CLNK: variants seen among roughly 807,000 people sequenced by gnomAD.
CLNK encodes the protein cytokine dependent hematopoietic cell linker, also known as cytokine-dependent hematopoietic cell linker.
In CLNK, 74 loss-of-function variants were observed where a neutral mutation model predicts 68.6. That is an observed-to-expected ratio of 1.08 (90% confidence interval 0.89 to 1.31). CLNK has a LOEUF of 1.31. Ranked by LOEUF, CLNK falls within the 50% of genes most tolerant of loss-of-function variation. CLNK has a pLI of 0.00. For missense variants in CLNK, 553 were observed against 515.3 expected, an observed-to-expected ratio of 1.07 and a Z score of -0.71; for synonymous variants, 198 against 172.2, an observed-to-expected ratio of 1.15 and a Z score of -1.17.
At chr4:10,561,847 C>G (rs989037233) in intron 7 of CLNK, among the ~76,000 whole-genome samples, 21 of 152,206 alleles carry the variant, frequency 1.4e-4, no homozygotes, top group African/African-American at 4.8e-4. Context: ...AAGACTCGGT[C>G]TCTTTCCCTA....
chr4:10,620,356 T>C (rs1375595872), intron 2 of CLNK, among the ~76,000 whole-genome samples: 1 of 152,140 alleles, frequency 6.6e-6, no homozygotes, highest in Non-Finnish European at 1.5e-5. Context: ...ACCCAGAGGA[T>C]CCATGTCAAC....
At chr4:10,698,855 AG>A in the CLNK span, among the ~76,000 whole-genome samples, 46 of 152,340 alleles carry the variant, frequency 3.0e-4, 1 homozygote, top group South Asian at 9.3e-3. Flanking sequence ...TCCCTGCTGC[AG>A]GTGGGTAGGT....
intron 8 of CLNK, among the ~76,000 whole-genome samples, chr4:10,556,529 G>A (rs1719679280): frequency 6.6e-6 from 1 of 152,202 alleles, no homozygotes; most frequent in Non-Finnish European, 1.5e-5. Flanking sequence ...CCGAAGAAGT[G>A]AGAGTGGATG....
chr4:10,628,926 A>C (rs911610893), intron 2 of CLNK, among the ~76,000 whole-genome samples: 3 of 152,138 alleles, frequency 2.0e-5, no homozygotes, highest in Non-Finnish European at 4.4e-5. Context: ...CTGTCAACAC[A>C]CCTGGGCAGA....
chr4:10,584,794 G>A, intron 4 of CLNK, 133 bp downstream of exon 4: 1 of 931,062 alleles, frequency 1.1e-6, no homozygotes. Flanking sequence ...TGGAAGGAAT[G>A]GCATTACTAG....
At chr4:10,606,660 C>T (rs187143011) in intron 2 of CLNK, among the ~76,000 whole-genome samples, 111 of 152,196 alleles carry the variant, frequency 7.3e-4, no homozygotes, top group Non-Finnish European at 1.4e-3. Context: ...TAGCAGCTGC[C>T]GCATTACTAG....
intron 11 of CLNK, among the ~76,000 whole-genome samples, chr4:10,537,703 C>CT (rs776456955): frequency 0.068 from 3,980 of 58,494 alleles, 245 homozygotes; most frequent in Non-Finnish European, 0.087. Context: ...TCCTTCCTTC[C>CT]TTCCTTTCTT....
At chr4:10,689,745 A>ATTTTTTTTTTTTT (rs71651341), upstream of CLNK, among the ~76,000 whole-genome samples, 522 of 100,008 alleles carry the variant, frequency 5.2e-3, 39 homozygotes, top group Middle Eastern at 0.013. Context: ...AAACCCATGC[A>ATTTTTTTTTTTTT]TTTTTTTTTT....
chr4:10,577,744 G>A (rs1281922408), intron 4 of CLNK, among the ~76,000 whole-genome samples: 1 of 151,664 alleles, frequency 6.6e-6, no homozygotes, highest in Non-Finnish European at 1.5e-5. Context: ...AGCTGCCAAA[G>A]AGCCTTGGAC....
chr4:10,701,205 G>T, the CLNK span, among the ~76,000 whole-genome samples: 3 of 152,228 alleles, frequency 2.0e-5, no homozygotes, highest in Non-Finnish European at 2.9e-5. Flanking sequence ...TCATGCTACA[G>T]ATTTTGCAAG....
intron 5 of CLNK, among the ~76,000 whole-genome samples, chr4:10,570,545 C>A (rs1720303354): frequency 6.6e-6 from 1 of 151,988 alleles, no homozygotes; most frequent in Non-Finnish European, 1.5e-5. Flanking sequence ...TTAATTTTTA[C>A]AATTTTTGTG....
chr4:10,514,482 G>GA (rs1192272440), intron 15 of CLNK, among the ~76,000 whole-genome samples: 1 of 145,706 alleles, frequency 6.9e-6, no homozygotes, highest in Non-Finnish European at 1.5e-5. Context: ...ACAAACCTGA[G>GA]AAAAACAAGC....
intron 18 of CLNK, among the ~76,000 whole-genome samples, chr4:10,491,739 G>C (rs1314597108): frequency 6.6e-6 from 1 of 151,932 alleles, no homozygotes; most frequent in African/African-American, 2.4e-5. Flanking sequence ...CATAAGGACA[G>C]GTATTGAGAA....
chr4:10,724,157 A>G, the CLNK span, among the ~76,000 whole-genome samples: 856 of 152,278 alleles, frequency 5.6e-3, 7 homozygotes, highest in African/African-American at 0.02. Context: ...TTTAATATTT[A>G]TACATATTTA....
intron 2 of CLNK, among the ~76,000 whole-genome samples, chr4:10,665,210 T>C (rs1036463130): frequency 1.3e-5 from 2 of 152,228 alleles, no homozygotes; most frequent in Middle Eastern, 3.2e-3. Context: ...CTAAGGTGAC[T>C]GTAAAGCTGA....
rs575370591 is a variant in CLNK, at chr4:10,639,918, A to C, written c.11+27941T>G. On this transcript the variant is annotated intron_variant, in intron 2 of 18. Coordinates refer to ENST00000226951, the MANE Select transcript of CLNK (RefSeq NM_052964.4). ...AGTTATTTCTTCCATGACGCACATA[A>C]AGTGGAATATAACTAAGACTCAGCT... Among the ~76,000 whole-genome samples the C allele has an allele frequency of 1.8e-4, 28 of 152,320 alleles. No homozygotes were observed. The South Asian group carries it at 5.8e-3, about 32-fold the overall frequency.
At chr4:10,526,725 C>T (rs979262768) in intron 13 of CLNK, among the ~76,000 whole-genome samples, 1 of 152,130 alleles carries the variant, frequency 6.6e-6, no homozygotes, top group African/African-American at 2.4e-5. Context: ...TTTTTTCCCC[C>T]CTCGATCATC....
At chr4:10,622,472 A>G (rs968476198) in intron 2 of CLNK, among the ~76,000 whole-genome samples, 4 of 152,240 alleles carry the variant, frequency 2.6e-5, no homozygotes, top group African/African-American at 9.6e-5. Context: ...GCTAACTGCA[A>G]TAACAGGCAT....
chr4:10,731,268 C>T, the CLNK span, among the ~76,000 whole-genome samples: 1 of 152,194 alleles, frequency 6.6e-6, no homozygotes, highest in Non-Finnish European at 1.5e-5. Context: ...TTATTTACTT[C>T]TCATCAACAA....
Sources: allele counts gnomAD v4.1 joint callset (sites outside exome capture counted in the v4.1 genomes callset), GRCh38; gene constraint gnomAD v4.1.1; transcripts MANE v1.5; gene names NCBI Gene and HGNC (gene_info 2026-07-23, HGNC 2026-07-21).